Variants in ZNF614 observed in about 807,000 individuals in gnomAD.
ZNF614 encodes the protein zinc finger protein 614.
In ZNF614, 11 loss-of-function variants were observed where a neutral mutation model predicts 12.8. That is an observed-to-expected ratio of 0.86 (90% CI 0.54 to 1.43). The LOEUF (loss-of-function observed/expected upper bound fraction) is 1.43. ZNF614 is among the 40% of genes most tolerant of loss of function. The pLI is 0.00. For synonymous variants in ZNF614, 237 were observed against 237.5 expected (o/e 1.00, Z 0.02); for missense variants, 664 against 708.8 (o/e 0.94, Z 0.72).
Position 52,016,976 on chromosome 19 carries a change from T to G in ZNF614, c.622A>C (p.Ile208Leu). The G allele has an allele frequency of 6.2e-7, 1 of 1,613,940 alleles. No individual in the cohort carries two copies. Among genetic ancestry groups the G allele is most frequent in the Non-Finnish European group, 8.5e-7 (1 of 1,180,024 alleles). The change falls in exon 5 of 5, where the codon ATT (isoleucine) becomes CTT (leucine). Residue 208 changes from isoleucine to leucine, a missense_variant. By Grantham distance (5) the Ile-to-Leu change is conservative. Coordinates refer to ENST00000270649, the MANE Select transcript of ZNF614 (RefSeq NM_025040.4). ...CTAAGGAAGGTTTGCTCACATTCAATGCATGCATGGGGTTTCTCAATTTTC... is the reference window on the plus strand; with the variant it reads ...CTAAGGAAGGTTTGCTCACATTCAAGGCATGCATGGGGTTTCTCAATTTTC... The part of the protein sequence containing the change: ...TQKIEKPHAC[I>L]ECEQTFLRKS...
At chr19:52,025,651 C>G in intron 2 of ZNF614, 80 bp downstream of exon 2, 1 of 1,480,098 alleles carries the variant, frequency 6.8e-7, no homozygotes, top group Non-Finnish European at 9.4e-7. Context: ...ACACAATTAT[C>G]CCAGTATATA....
chr19:52,026,268 T>C (rs1323055320), intron 1 of ZNF614, among the ~76,000 whole-genome samples: 1 of 152,170 alleles, frequency 6.6e-6, no homozygotes, highest in Admixed American at 6.5e-5. Flanking sequence ...GAAGTAGACA[T>C]AAGAGGCTCC....
rs113743351 is a variant in ZNF614, at chr19:52,017,254, T to A, written c.344A>T (p.His115Leu). 8.3e-5 allele frequency: 134 copies of A among 1,614,112 alleles called. 2 individuals carry two copies. The African/African-American group carries it at 1.4e-3, about 17-fold the overall frequency. Residue 115 changes from histidine to leucine, a missense_variant, in exon 5 of 5, where the codon CAT (histidine) becomes CTT (leucine). Physicochemically the swap from His to Leu is moderately conservative, Grantham distance 99. Coordinates refer to ENST00000270649, the MANE Select transcript of ZNF614 (RefSeq NM_025040.4). ...NGQNTLRNIV[H>L]LSKTHFPIVQ... is the part of the protein sequence containing the mutation. ...TATAGGAAAATGTGTCTTGCTGAGA[T>A]GTACAATATTTCTAAGTGTATTCTG... is the stretch of plus-strand genomic sequence containing the variant.
At chr19:52,021,022 C>A (rs1465875436) in intron 2 of ZNF614, among the ~76,000 whole-genome samples, 1 of 152,176 alleles carries the variant, frequency 6.6e-6, no homozygotes, top group Non-Finnish European at 1.5e-5. Flanking sequence ...TTTAAGATTA[C>A]ACTCTATATG....
At position 52,015,935 on chromosome 19, in the gene ZNF614, C is replaced by A; in HGVS notation, c.1663G>T (p.Val555Phe). Residue 555 changes from valine to phenylalanine, a missense_variant, in exon 5 of 5, where the codon GTC becomes TTC. By Grantham distance (50) the Val-to-Phe change is conservative (BLOSUM62 -1). Coordinates refer to ENST00000270649, the MANE Select transcript of ZNF614 (RefSeq NM_025040.4). Reference sequence around the variant, plus strand: ...CTTGTGTGCATTTTCTTATGTTTGACAAGGTTTGATAAGTGGGAGAAGGCT... The same window carrying A: ...CTTGTGTGCATTTTCTTATGTTTGAAAAGGTTTGATAAGTGGGAGAAGGCT... ...EKAFSHLSNLVKHKKMHTREM... is the reference protein window; with the variant it reads ...EKAFSHLSNLFKHKKMHTREM... The A allele has an allele frequency of 6.2e-7, 1 of 1,614,184 alleles. No individual in the cohort carries two copies. The highest frequency in any genetic ancestry group is 8.5e-7 in the Non-Finnish European group (1 of 1,180,018).
chr19:52,016,838 T>C lies in ZNF614; in HGVS notation c.760A>G (p.Thr254Ala), dbSNP rs565541623. Residue 254 changes from threonine (T) to alanine (A), a missense_variant, in exon 5 of 5, where the codon ACA becomes GCA. By Grantham distance (58) the Thr-to-Ala change is moderately conservative. Transcript: ENST00000270649. ...TTGGGTATACAGATTTTGTCTGTTG[T>C]ATTAGTTTTCAGATGCTTAGTGAAC... ...VLFTKHLKTN[T>A]TDKICIPNEY... 6.2e-7 allele frequency: 1 copy of C among 1,613,862 alleles called. No individual in the cohort carries two copies. The highest frequency in any genetic ancestry group is 1.3e-5 in the African/African-American group (1 of 74,804).
rs747507684 is a variant in ZNF614 at position 52,016,816 on chromosome 19, G to T, written c.782C>A (p.Pro261His). The change falls in exon 5 of 5, where the codon CCC (proline) becomes CAC (histidine). Residue 261 changes from proline to histidine, a missense_variant. Physicochemically the swap from Pro to His is moderately conservative, Grantham distance 77. Coordinates refer to ENST00000270649, the MANE Select transcript of ZNF614 (RefSeq NM_025040.4). Reference protein sequence around the residue: ...KTNTTDKICIPNEYRKGSTVK... With the variant: ...KTNTTDKICIHNEYRKGSTVK... ...AGTAGAGCCTTTTCTATATTCATTG[G>T]GTATACAGATTTTGTCTGTTGTATT... The T allele has an allele frequency of 8.7e-6, 14 of 1,613,698 alleles. No homozygotes were observed. The Admixed American group carries it at 1.3e-4, about 15-fold the overall frequency.
At chr19:52,020,041 A>G (rs376314556) in intron 2 of ZNF614, among the ~76,000 whole-genome samples, 30 of 152,346 alleles carry the variant, frequency 2.0e-4, no homozygotes, top group African/African-American at 6.5e-4. Flanking sequence ...CCACAGTCCA[A>G]AAGAATTTAT....
intron 2 of ZNF614, among the ~76,000 whole-genome samples, chr19:52,023,326 G>A (rs533965565): frequency 3.1e-4 from 47 of 151,720 alleles, no homozygotes; most frequent in African/African-American, 1.0e-3. Context: ...GTGCCACCAC[G>A]CCCAGCTAAT....
rs1227752287 is a variant in ZNF614, at chr19:52,017,072, T to C, written c.526A>G (p.Lys176Glu). The change falls in exon 5 of 5, where the codon AAA becomes GAA. Residue 176 changes from lysine (K) to glutamate (E), a missense_variant. Coordinates refer to ENST00000270649, the MANE Select transcript of ZNF614 (RefSeq NM_025040.4). ...LHGKHERTHT[K>E]TRFSENAKCI... is the part of the protein sequence containing the mutation. Reference sequence around the variant, plus strand: ...TTTGCATTTTCAGAAAATCTAGTTTTAGTATGCGTACGTTCATGCTTACCA... The same window carrying C: ...TTTGCATTTTCAGAAAATCTAGTTTCAGTATGCGTACGTTCATGCTTACCA... 20 of 1,614,208 alleles carry C rather than the reference T, an allele frequency of 1.2e-5. No individual in the cohort carries two copies. The highest frequency in any genetic ancestry group is 1.7e-5 in the Non-Finnish European group (20 of 1,180,040).
intron 2 of ZNF614, 68 bp downstream of exon 2, chr19:52,025,663 T>C: frequency 3.2e-6 from 5 of 1,557,074 alleles, no homozygotes; most frequent in Non-Finnish European, 4.4e-6. Flanking sequence ...CAGTATATAC[T>C]TCCTTAAGTT....
chr19:52,027,876 A>G (rs138524384), intron 1 of ZNF614, among the ~76,000 whole-genome samples: 164 of 152,362 alleles, frequency 1.1e-3, no homozygotes, highest in Non-Finnish European at 1.3e-3. Flanking sequence ...AACTAGACTT[A>G]ACGAACATTT....
chr19:52,020,741 A>G (rs1479626649), intron 2 of ZNF614, among the ~76,000 whole-genome samples: 1 of 152,188 alleles, frequency 6.6e-6, no homozygotes, highest in Non-Finnish European at 1.5e-5. Flanking sequence ...ATTGCCATAA[A>G]TTATCTAGGG....
rs1330182130 is a variant in ZNF614 at position 52,017,309 on chromosome 19, G to A, written c.289C>T (p.Leu97Phe). The A allele has an allele frequency of 1.2e-6, 2 of 1,612,696 alleles. No homozygotes were observed. Among genetic ancestry groups the A allele is most frequent in the African/African-American group, 1.3e-5 (1 of 74,924 alleles). ...TTGCATTGCTGCACGCTCTTCAGAA[G>A]TCTTTGGTTTGGAGAGTGCTCTTGC... is the stretch of plus-strand genomic sequence containing the variant. ...HLQEHSPNQR[L>F]LKSVQQCNGQ... Residue 97 changes from leucine (L) to phenylalanine (F), a missense_variant, in exon 5 of 5, where the codon CTT (leucine) becomes TTT (phenylalanine). Physicochemically the swap from Leu to Phe is conservative, Grantham distance 22 (BLOSUM62 0). Transcript: ENST00000270649.
In ZNF614 at chr19:52,015,896, T is replaced by C. The variant is rs142351310; in HGVS notation, c.1702A>G (p.Ile568Val). Residue 568 changes from isoleucine to valine, a missense_variant, in exon 5 of 5, where the codon ATC becomes GTC. By Grantham distance (29) the Ile-to-Val change is conservative. Transcript: ENST00000270649. Reference protein sequence around the residue: ...KKMHTREMGRISQVENSCNGE... With the variant: ...KKMHTREMGRVSQVENSCNGE... ...TTACAGGAGTTTTCAACTTGACTGA[T>C]TCTACCCATTTCTCTTGTGTGCATT... 8.4e-4 allele frequency: 1,351 copies of C among 1,614,134 alleles called. 2 individuals carry two copies. Among genetic ancestry groups the C allele is most frequent in the Non-Finnish European group, 1.1e-3 (1,279 of 1,179,986 alleles).
chr19:52,018,286 T>A, intron 3 of ZNF614, 82 bp downstream of exon 3: 14 of 1,602,972 alleles, frequency 8.7e-6, no homozygotes, highest in Non-Finnish European at 1.2e-5. Flanking sequence ...CCACAGTGAC[T>A]GTAAAGCTTT....
At position 52,015,831 on chromosome 19, in the gene ZNF614, T is replaced by C; in HGVS notation, c.*9A>G. 1 of 1,592,930 alleles carries C rather than the reference T, an allele frequency of 6.3e-7. No individual in the cohort carries two copies. Among genetic ancestry groups the C allele is most frequent in the Non-Finnish European group, 8.5e-7 (1 of 1,170,014 alleles). On this transcript the variant is annotated 3_prime_UTR_variant, in exon 5 of 5. Coordinates refer to ENST00000270649, the MANE Select transcript of ZNF614 (RefSeq NM_025040.4). ...TCACGGCACTAGTAGGGTTTTCTTCTGCATGAGTTCACTTATAAGGAAGGA... is the reference window on the plus strand; with the variant it reads ...TCACGGCACTAGTAGGGTTTTCTTCCGCATGAGTTCACTTATAAGGAAGGA...
At chr19:52,018,335 C>A in intron 3 of ZNF614, 33 bp downstream of exon 3, 1 of 1,613,552 alleles carries the variant, frequency 6.2e-7, no homozygotes. Context: ...GCATTGTAGG[C>A]ACCTCTAGGT....
intron 1 of ZNF614, among the ~76,000 whole-genome samples, chr19:52,026,355 A>G (rs1015903990): frequency 1.3e-5 from 2 of 152,234 alleles, no homozygotes; most frequent in Admixed American, 1.3e-4. Flanking sequence ...ACCCTATGCT[A>G]GCAGAGACAT....
Sources: gnomAD v4.1 joint callset for allele counts (sites outside exome capture counted in the v4.1 genomes callset) on GRCh38, gnomAD v4.1.1 for gene constraint, MANE v1.5 for transcripts, NCBI Gene and HGNC (gene_info 2026-07-23, HGNC 2026-07-21) for gene names.